MOB1B: variants seen among roughly 807,000 people sequenced by gnomAD.
MOB1B encodes MOB kinase activator 1B.
A neutral mutation model predicts 24.4 loss-of-function variants in MOB1B; 19 were observed. The ratio of observed to expected loss-of-function variants is 0.78; its 90% CI spans 0.54 to 1.14. The LOEUF (loss-of-function observed/expected upper bound fraction) is 1.14, where lower values mean the gene tolerates loss of function less well. Among genes scored for constraint, MOB1B ranks in the 50% most tolerant of loss-of-function variants. MOB1B has a pLI of 0.00. For synonymous variants in MOB1B, 76 were observed against 82.1 expected (o/e 0.93, Z 0.40); for missense variants, 243 against 259.6 (o/e 0.94, Z 0.44).
intron 3 of MOB1B, among the ~76,000 whole-genome samples, chr4:70,971,842 T>C (rs1738765608): frequency 6.6e-6 from 1 of 152,200 alleles, no homozygotes; most frequent in African/African-American, 2.4e-5. Flanking sequence ...CATGTGTGCG[T>C]ACATAGTGTT....
intron 1 of MOB1B, among the ~76,000 whole-genome samples, chr4:70,926,709 A>G (rs1019283047): frequency 6.6e-6 from 1 of 152,192 alleles, no homozygotes; most frequent in African/African-American, 2.4e-5. Flanking sequence ...GAAGGGGTTT[A>G]GAAATAAACA....
intron 1 of MOB1B, among the ~76,000 whole-genome samples, chr4:70,930,964 C>G (rs1194965218): frequency 1.0e-5 from 1 of 95,650 alleles, no homozygotes; most frequent in African/African-American, 3.4e-5. Flanking sequence ...TTGTACCTTT[C>G]CTTTTTTTTT....
chr4:70,960,383 T>G (rs931030606), intron 2 of MOB1B, among the ~76,000 whole-genome samples: 2 of 152,144 alleles, frequency 1.3e-5, no homozygotes, highest in African/African-American at 4.8e-5. Context: ...TAATAGAATT[T>G]TATAATTAAA....
chr4:70,941,502 C>T (rs780225073), intron 1 of MOB1B, among the ~76,000 whole-genome samples: 22 of 152,002 alleles, frequency 1.4e-4, no homozygotes, highest in Admixed American at 7.9e-4. Flanking sequence ...TTACCACGCC[C>T]GCCTAATTTT....
rs1739444516 is a variant in MOB1B, at chr4:70,988,166, G to T, written c.*6109G>T. ...TGAATAAATAGTTACGTTTGGCCAT[G>T]AATCCTGACTTTGCATTACTGTTTA... On this transcript the variant is annotated 3_prime_UTR_variant, in exon 6 of 6. Transcript: ENST00000309395. The T allele has an allele frequency of 6.6e-6, 1 of 152,178 alleles. No homozygotes were observed. Among genetic ancestry groups the T allele is most frequent in the Non-Finnish European group, 1.5e-5 (1 of 67,950 alleles). 9.4% of individuals were successfully genotyped at this position (152,178 alleles called of 1,614,324 possible). A position where few individuals can be genotyped will look rare whatever the true frequency, so the allele number is the denominator to read the frequency against.
chr4:70,987,826 A>T lies in MOB1B; in HGVS notation c.*5769A>T, dbSNP rs183057209. 284 of 152,726 alleles carry T rather than the reference A, an allele frequency of 1.9e-3. 1 individual carries two copies. Among genetic ancestry groups the T allele is most frequent in the African/African-American group, 6.4e-3 (268 of 41,570 alleles). 9.5% of individuals were successfully genotyped at this position (152,726 alleles called of 1,614,324 possible). On this transcript the variant is annotated 3_prime_UTR_variant, in exon 6 of 6. Transcript: ENST00000309395. ...TGAGAAGAGTGCATAAAGACAGGGA[A>T]CTACTCTCATGGAGACAGTTTCTCT...
At chr4:70,908,814 G>C (rs1735862456) in intron 1 of MOB1B, among the ~76,000 whole-genome samples, 1 of 151,460 alleles carries the variant, frequency 6.6e-6, no homozygotes, top group South Asian at 2.1e-4. Flanking sequence ...CACTTTGGGA[G>C]GCTGAGGCGG....
chr4:70,942,079 A>G (rs1014431674), intron 1 of MOB1B, among the ~76,000 whole-genome samples: 6 of 152,182 alleles, frequency 3.9e-5, no homozygotes, highest in Non-Finnish European at 7.4e-5. Context: ...TAAATCCTCA[A>G]TGTCTTTGAC....
intron 3 of MOB1B, among the ~76,000 whole-genome samples, chr4:70,971,793 C>G (rs1347764332): frequency 6.6e-6 from 1 of 152,200 alleles, no homozygotes; most frequent in Admixed American, 6.5e-5. Flanking sequence ...GCCAGTTCTT[C>G]TGGCTTGAGA....
In MOB1B at chr4:70,975,147, A is replaced by G. The variant is rs762468515; in HGVS notation, c.276-6A>G. The G allele has an allele frequency of 1.1e-5, 17 of 1,597,290 alleles. No homozygotes were observed. The highest frequency in any genetic ancestry group is 5.4e-5 in the Admixed American group (3 of 55,886). On this transcript the variant is annotated splice_polypyrimidine_tract_variant and splice_region_variant and intron_variant, in intron 3 of 5. Transcript: ENST00000309395. ...CTTCTGTGTGCTTTTTATCTCTCCA[A>G]TGCAGATATGAGTATCATTGGGCAG...
chr4:70,908,086 C>T (rs187244886), intron 1 of MOB1B, among the ~76,000 whole-genome samples: 67 of 150,266 alleles, frequency 4.5e-4, no homozygotes, highest in African/African-American at 1.5e-3. Context: ...AGTCCAGTGG[C>T]GCGATCTCGG....
chr4:70,917,326 A>T (rs1448863358), intron 1 of MOB1B, among the ~76,000 whole-genome samples: 2 of 152,364 alleles, frequency 1.3e-5, no homozygotes, highest in African/African-American at 4.8e-5. Flanking sequence ...TAGTGCACAT[A>T]ACAGACTCCT....
At chr4:70,953,821 A>G (rs898148999) in intron 1 of MOB1B, among the ~76,000 whole-genome samples, 3 of 152,152 alleles carry the variant, frequency 2.0e-5, no homozygotes, top group Non-Finnish European at 2.9e-5. Context: ...GCACATGTCT[A>G]TAATCCCAGC....
intron 1 of MOB1B, among the ~76,000 whole-genome samples, chr4:70,939,287 T>A (rs990102122): frequency 2.0e-5 from 3 of 152,218 alleles, no homozygotes; most frequent in African/African-American, 7.2e-5. Flanking sequence ...TGAAGTTTTT[T>A]AAATCATAAT....
Position 70,967,379 on chromosome 4 carries a change from C to G in MOB1B, c.182-2552C>G, listed in dbSNP as rs1738576619. Among the ~76,000 whole-genome samples the G allele has an allele frequency of 2.0e-5, 3 of 152,164 alleles. No homozygotes were observed. In the South Asian group the frequency reaches 6.2e-4, roughly 32 times the overall value. ...CAACTTCTGACCTCAGATGGTCCAC[C>G]CACCTCAGCCTCCCAAAGTACTGGG... On this transcript the variant is annotated intron_variant, in intron 2 of 5. Coordinates refer to ENST00000309395, the MANE Select transcript of MOB1B (RefSeq NM_173468.4).
intron 3 of MOB1B, among the ~76,000 whole-genome samples, chr4:70,974,148 G>T (rs1738883534): frequency 1.3e-5 from 2 of 151,992 alleles, no homozygotes; most frequent in African/African-American, 4.8e-5. Flanking sequence ...GTATGTGTGT[G>T]TGTGTAACTC....
intron 2 of MOB1B, among the ~76,000 whole-genome samples, chr4:70,969,209 G>C (rs1738657250): frequency 6.6e-6 from 1 of 152,122 alleles, no homozygotes; most frequent in Non-Finnish European, 1.5e-5. Flanking sequence ...ATGGCTCACT[G>C]CAGCCTGACT....
chr4:70,902,402 A>T lies in MOB1B; in HGVS notation c.-135A>T. On this transcript the variant is annotated 5_prime_UTR_variant, in exon 1 of 6. Transcript: ENST00000309395. ...TAGCTGAGCCGAACTAGTTGCGGCC[A>T]CCGAGCAGCCGGCTCTCGGCACCTC... 1 of 930,874 alleles carries T rather than the reference A, an allele frequency of 1.1e-6. No individual in the cohort carries two copies. The highest frequency in any genetic ancestry group is 2.7e-5 in the East Asian group (1 of 37,540). The allele number at this position is 930,874 out of a possible 1,614,324, so 57.7% of individuals were successfully genotyped here. A position where few individuals can be genotyped will look rare whatever the true frequency, so the allele number is the denominator to read the frequency against.
At chr4:70,912,681 C>T (rs1736039956) in intron 1 of MOB1B, among the ~76,000 whole-genome samples, 1 of 152,228 alleles carries the variant, frequency 6.6e-6, no homozygotes, top group Non-Finnish European at 1.5e-5. Context: ...TGAGTTTCAT[C>T]TGTTGCTTTA....
Sources: gnomAD v4.1 joint callset for allele counts (sites outside exome capture counted in the v4.1 genomes callset) on GRCh38, gnomAD v4.1.1 for gene constraint, MANE v1.5 for transcripts, NCBI Gene and HGNC (gene_info 2026-07-23, HGNC 2026-07-21) for gene names.